Variants in DGKH observed in about 807,000 individuals in gnomAD.
DGKH encodes the protein diacylglycerol kinase eta.
Under a neutral mutation model 159.3 loss-of-function variants are expected in DGKH, and 90 were observed. That is an observed-to-expected ratio of 0.57 (90% CI 0.48 to 0.67). DGKH has a LOEUF of 0.67. Ranked by LOEUF, DGKH falls within the 30% of genes least tolerant of loss-of-function variation. DGKH has a pLI of 0.00. For missense variants in DGKH, 1,181 were observed against 1,506.1 expected (o/e 0.78, Z 3.57); for synonymous variants, 536 against 553.8 (o/e 0.97, Z 0.45).
chr13:42,095,180 T>TTTTTTTTTTA (rs869150143), intron 1 of DGKH, among the ~76,000 whole-genome samples: 1 of 146,862 alleles, frequency 6.8e-6, no homozygotes, highest in Non-Finnish European at 1.5e-5. Flanking sequence ...TTTTTTTTTT[T>TTTTTTTTTTA]GAGACAGAGT....
At chr13:42,209,544 A>G (rs971817379) in intron 23 of DGKH, 79 bp downstream of exon 23, 49 of 1,393,674 alleles carry the variant, frequency 3.5e-5, no homozygotes, top group Middle Eastern at 1.9e-4. Context: ...ATAGAAAATG[A>G]AAACATTTAA....
chr13:42,116,495 A>G (rs991229523), intron 1 of DGKH, among the ~76,000 whole-genome samples: 14 of 152,216 alleles, frequency 9.2e-5, no homozygotes, highest in Admixed American at 8.5e-4. Context: ...TGTAAAAGAC[A>G]TGCATCCTCA....
intron 29 of DGKH, among the ~76,000 whole-genome samples, chr13:42,251,822 C>G (rs1958622282): frequency 6.6e-6 from 1 of 152,186 alleles, no homozygotes; most frequent in Non-Finnish European, 1.5e-5. Context: ...ACAGCGTGTT[C>G]CCATTACATA....
intron 29 of DGKH, among the ~76,000 whole-genome samples, chr13:42,223,653 C>G (rs1312272097): frequency 6.6e-6 from 1 of 151,850 alleles, no homozygotes. Context: ...TTCAGCTACT[C>G]AGGAGGCTGA....
chr13:42,214,354 G>A (rs929268403), intron 24 of DGKH, among the ~76,000 whole-genome samples, 153 bp from the exon 25 acceptor site: 1 of 151,934 alleles, frequency 6.6e-6, no homozygotes, highest in African/African-American at 2.4e-5. Context: ...AGATCTACCT[G>A]TGCCATTCAT....
chr13:42,045,274 T>C (rs1211186997), upstream of DGKH, among the ~76,000 whole-genome samples: 9 of 152,102 alleles, frequency 5.9e-5, no homozygotes, highest in Non-Finnish European at 1.3e-4. Flanking sequence ...TGATTGGCCA[T>C]TGCACTCCAG....
chr13:42,061,024 A>C (rs1295985422), intron 1 of DGKH, among the ~76,000 whole-genome samples: 1 of 152,114 alleles, frequency 6.6e-6, no homozygotes. Context: ...TAATAGGTAG[A>C]ATAAAAGAGA....
rs187098830 is a variant in DGKH at position 42,134,972 on chromosome 13, G to A, written c.384+5340G>A. 5.8e-3 allele frequency among the ~76,000 whole-genome samples: 763 copies of A among 132,082 alleles called. 5 individuals are homozygous for A. Among genetic ancestry groups the A allele is most frequent in the African/African-American group, 0.018 (730 of 39,736 alleles). The allele number at this position is 132,082 out of a possible 152,430, so 86.7% of individuals were successfully genotyped here. A position where few individuals can be genotyped will look rare whatever the true frequency, so the allele number is the denominator to read the frequency against. On this transcript the variant is annotated intron_variant, in intron 3 of 29. Coordinates refer to ENST00000337343, the MANE Select transcript of DGKH (RefSeq NM_178009.5). ...AGCCTGGGCAACAGGAAAAGACTCT[G>A]TCTCTAAAAAAAAGAAAGAAACAGA...
At chr13:42,155,227 T>G in intron 3 of DGKH, 64 bp from the exon 4 acceptor site, 1 of 1,254,924 alleles carries the variant, frequency 8.0e-7, no homozygotes, top group Non-Finnish European at 1.1e-6. Flanking sequence ...CAGAAGATGT[T>G]AGGTTTTGCA....
intron 3 of DGKH, among the ~76,000 whole-genome samples, chr13:42,151,138 TA>T (rs1955870567): frequency 6.6e-6 from 1 of 152,158 alleles, no homozygotes; most frequent in African/African-American, 2.4e-5. Context: ...TATTCATTTT[TA>T]AAAATAGATT....
chr13:42,226,554 C>G (rs1308236411), intron 29 of DGKH, among the ~76,000 whole-genome samples: 1 of 152,108 alleles, frequency 6.6e-6, no homozygotes, highest in Non-Finnish European at 1.5e-5. Context: ...CCCAATTGCC[C>G]ATCAGTTGTA....
chr13:42,143,533 C>G (rs999408148), intron 3 of DGKH, among the ~76,000 whole-genome samples: 20 of 152,040 alleles, frequency 1.3e-4, no homozygotes, highest in African/African-American at 4.8e-4. Flanking sequence ...TGGTCCTGGA[C>G]TTTTTTTGGT....
chr13:42,082,622 G>T (rs1954221784), intron 1 of DGKH, among the ~76,000 whole-genome samples: 1 of 152,152 alleles, frequency 6.6e-6, no homozygotes, highest in Non-Finnish European at 1.5e-5. Context: ...AATAATGTTT[G>T]TAAAATAATG....
At chr13:42,046,094 T>C (rs1373548102), upstream of DGKH, among the ~76,000 whole-genome samples, 1 of 152,236 alleles carries the variant, frequency 6.6e-6, no homozygotes, top group Non-Finnish European at 1.5e-5. Flanking sequence ...AAGTCTTTAA[T>C]AGTGTGTTTG....
At chr13:42,185,959 C>G (rs1162498608) in intron 13 of DGKH, among the ~76,000 whole-genome samples, 1 of 150,878 alleles carries the variant, frequency 6.6e-6, no homozygotes, top group East Asian at 1.9e-4. Flanking sequence ...GGTGATAAAT[C>G]TGAAGGTTGG....
intron 16 of DGKH, among the ~76,000 whole-genome samples, chr13:42,193,988 A>G (rs347391): frequency 0.93 from 141,415 of 152,220 alleles, 65,946 homozygotes; most frequent in Non-Finnish European, 0.97. Context: ...TACTTTGAGA[A>G]TAATTATGTT....
chr13:42,207,125 C>CTTT lies in DGKH; in HGVS notation c.2601+979_2601+980insTTT, dbSNP rs1566192525. 1.9e-3 allele frequency among the ~76,000 whole-genome samples: 56 copies of CTTT among 29,758 alleles called. 3 individuals carry two copies. The highest frequency in any genetic ancestry group is 0.016 in the East Asian group (16 of 1,012). The allele number at this position is 29,758 out of a possible 152,430, so 19.5% of individuals were successfully genotyped here. A position where few individuals can be genotyped will look rare whatever the true frequency, so the allele number is the denominator to read the frequency against. On this transcript the variant is annotated intron_variant, in intron 21 of 29. Transcript: ENST00000337343. ...TCTTTCTTTCTTTCTCTTTCTCTCT[C>CTTT]CTTCCTTCCTTCCTTCCTTCCTTCC... is the stretch of plus-strand genomic sequence containing the variant.
intron 3 of DGKH, among the ~76,000 whole-genome samples, chr13:42,149,127 T>C (rs374196690): frequency 4.1e-4 from 63 of 152,058 alleles, no homozygotes; most frequent in Middle Eastern, 3.4e-3. Flanking sequence ...TGGGGCCTTG[T>C]GATATTGCCC....
At chr13:42,250,926 A>G (rs1316028428) in intron 29 of DGKH, among the ~76,000 whole-genome samples, 1 of 152,224 alleles carries the variant, frequency 6.6e-6, no homozygotes, top group Non-Finnish European at 1.5e-5. Context: ...GATATTATTA[A>G]AGCATATCGG....
Sources: gnomAD v4.1 joint callset for allele counts (sites outside exome capture counted in the v4.1 genomes callset) on GRCh38, gnomAD v4.1.1 for gene constraint, MANE v1.5 for transcripts, NCBI Gene and HGNC (gene_info 2026-07-23, HGNC 2026-07-21) for gene names.